ELOVL2: variants seen among roughly 807,000 people sequenced by gnomAD.
ELOVL2 encodes ELOVL fatty acid elongase 2, also known as very long chain fatty acid elongase 2.
A neutral mutation model predicts 37.7 loss-of-function variants in ELOVL2; 38 were observed. The ratio of observed to expected loss-of-function variants is 1.01; its 90% confidence interval spans 0.78 to 1.32. The LOEUF (loss-of-function observed/expected upper bound fraction) is 1.32. Ranked by LOEUF, ELOVL2 falls within the 40% of genes most tolerant of loss-of-function variation. ELOVL2 has a pLI of 0.00. For synonymous variants in ELOVL2, 115 were observed against 122.3 expected, an observed-to-expected ratio of 0.94 and a Z score of 0.40; for missense variants, 352 against 363.6, an observed-to-expected ratio of 0.97 and a Z score of 0.26.
chr6:11,025,638 CCATT>C (rs1435450547), intron 1 of ELOVL2, among the ~76,000 whole-genome samples: 20 of 151,972 alleles, frequency 1.3e-4, no homozygotes, highest in Admixed American at 1.3e-3. Flanking sequence ...AAAAGCACAC[CCATT>C]CAAAGCCATA....
rs146459452 is a variant in ELOVL2, at chr6:11,001,331, C to A, written c.256-1167G>T. On this transcript the variant is annotated intron_variant, in intron 3 of 7. Transcript: ENST00000354666. ...AATAAGTCCAGTGAAAGAAGAAAAC[C>A]TTGGGTTTTCCTGAATGGGATCTAC... Among the ~76,000 whole-genome samples, 282 of 152,174 alleles carry A rather than the reference C, an allele frequency of 1.9e-3. 1 individual carries two copies. Among genetic ancestry groups the A allele is most frequent in the African/African-American group, 6.6e-3 (276 of 41,508 alleles).
rs1189217460 is a variant in ELOVL2 at position 11,044,168 on chromosome 6, G to A, written c.3+60C>T. On this transcript the variant is annotated intron_variant, in intron 1 of 7. Coordinates refer to ENST00000354666, the MANE Select transcript of ELOVL2 (RefSeq NM_017770.4). The surrounding 1 kb of genome is among the most constrained non-coding windows in gnomAD (Gnocchi z 5.6). ...CGCTCGGCCCTTTCCCGCCCGGTGC[G>A]TGGGTCCAGGAGAGAAAGAAAGCGC... 2.1e-6 allele frequency: 3 copies of A among 1,444,906 alleles called. No individual in the cohort carries two copies. The highest frequency in any genetic ancestry group is 1.5e-5 in the African/African-American group (1 of 67,666). The allele number at this position is 1,444,906 out of a possible 1,614,324, so 89.5% of individuals were successfully genotyped here.
intron 2 of ELOVL2, among the ~76,000 whole-genome samples, chr6:11,009,185 T>C (rs1227645506): frequency 6.6e-6 from 1 of 152,128 alleles, no homozygotes; most frequent in Non-Finnish European, 1.5e-5. Flanking sequence ...CAATGAAGTA[T>C]CTGAAGGAAG....
At chr6:10,998,382 TC>T (rs1454291518) in intron 4 of ELOVL2, among the ~76,000 whole-genome samples, 1 of 152,220 alleles carries the variant, frequency 6.6e-6, no homozygotes, top group Non-Finnish European at 1.5e-5. Context: ...CTTTCCCTTT[TC>T]ATCGATTTGG....
At chr6:11,043,820 G>C (rs1783155554) in intron 1 of ELOVL2, 1 of 170,330 alleles carries the variant, frequency 5.9e-6, no homozygotes, top group South Asian at 2.0e-4. Flanking sequence ...GCGGTGGCGA[G>C]AGCAGGTTCG....
Position 10,995,037 on chromosome 6 carries a change from A to G in ELOVL2, c.475T>C (p.Cys159Arg). Reference sequence around the variant, plus strand: ...CCACAAGGTATCCAGTTCAAGACACACCACCAGATGTTAAACATAGAAGCA... The same window carrying G: ...CCACAAGGTATCCAGTTCAAGACACGCCACCAGATGTTAAACATAGAAGCA... ...HHASMFNIWWCVLNWIPCGQS... is the reference protein window; with the variant it reads ...HHASMFNIWWRVLNWIPCGQS... Residue 159 changes from cysteine to arginine, a missense_variant, in exon 5 of 8, where the codon TGT (cysteine) becomes CGT (arginine). Transcript: ENST00000354666. 6.2e-7 allele frequency: 1 copy of G among 1,611,394 alleles called. No homozygotes were observed. Among genetic ancestry groups the G allele is most frequent in the Non-Finnish European group, 8.5e-7 (1 of 1,179,098 alleles).
chr6:11,028,500 C>G (rs1167481270), intron 1 of ELOVL2, among the ~76,000 whole-genome samples: 1 of 151,976 alleles, frequency 6.6e-6, no homozygotes, highest in Non-Finnish European at 1.5e-5. Context: ...TGGTTATAGG[C>G]TTTTTTACCT....
intron 1 of ELOVL2, among the ~76,000 whole-genome samples, chr6:11,020,183 TAA>T (rs113673873): frequency 6.6e-6 from 1 of 151,326 alleles, no homozygotes; most frequent in African/African-American, 2.4e-5. Flanking sequence ...CCTTAAGTCT[TAA>T]AAAAAAAATC....
chr6:11,012,167 G>A (rs1425014772), intron 1 of ELOVL2, among the ~76,000 whole-genome samples: 1 of 152,016 alleles, frequency 6.6e-6, no homozygotes, highest in Non-Finnish European at 1.5e-5. Flanking sequence ...GAAAGCTTGG[G>A]AAAGAGGATG....
rs1783165763 is a variant in ELOVL2 at position 11,044,096 on chromosome 6, A to T, written c.3+132T>A. On this transcript the variant is annotated intron_variant, in intron 1 of 7. Transcript: ENST00000354666. The surrounding 1 kb of genome is among the most constrained non-coding windows in gnomAD (Gnocchi z 5.6). ...GGCCCGCGCGGACCCGGCCCCTCCG[A>T]GGGTAGCGGGTTCCAGCGGCGAACC... 8.5e-7 allele frequency: 1 copy of T among 1,170,982 alleles called. No homozygotes were observed. The highest frequency in any genetic ancestry group is 4.4e-5 in the Admixed American group (1 of 22,892). The allele number at this position is 1,170,982 out of a possible 1,614,324, so 72.5% of individuals were successfully genotyped here.
intron 3 of ELOVL2, among the ~76,000 whole-genome samples, chr6:11,002,197 C>T (rs1343582560): frequency 6.6e-6 from 1 of 152,166 alleles, no homozygotes; most frequent in Admixed American, 6.5e-5. Context: ...ATCCTCTGTC[C>T]ACTGTGTCAT....
chr6:10,986,063 C>T (rs1247987853), intron 7 of ELOVL2, among the ~76,000 whole-genome samples: 1 of 152,178 alleles, frequency 6.6e-6, no homozygotes, highest in African/African-American at 2.4e-5. Context: ...AGGTCCTTCA[C>T]ATCCCTTGTA....
At chr6:11,016,502 A>G (rs1049636968) in intron 1 of ELOVL2, among the ~76,000 whole-genome samples, 3 of 152,206 alleles carry the variant, frequency 2.0e-5, no homozygotes, top group Non-Finnish European at 4.4e-5. Context: ...AGAAGTCAGG[A>G]AATGGGATCT....
At chr6:11,042,097 G>C (rs1216039368) in intron 1 of ELOVL2, among the ~76,000 whole-genome samples, 1 of 151,966 alleles carries the variant, frequency 6.6e-6, no homozygotes, top group Admixed American at 6.6e-5. Flanking sequence ...TTGATCACTT[G>C]AGGTCAGGAG....
intron 1 of ELOVL2, among the ~76,000 whole-genome samples, chr6:11,041,075 C>T (rs1783092086): frequency 6.6e-6 from 1 of 152,208 alleles, no homozygotes; most frequent in African/African-American, 2.4e-5. Context: ...GAATCTGTAA[C>T]TGTAGAATTA....
chr6:11,012,752 T>C (rs1193269187), intron 1 of ELOVL2, among the ~76,000 whole-genome samples: 1 of 152,234 alleles, frequency 6.6e-6, no homozygotes, highest in Non-Finnish European at 1.5e-5. Context: ...CATTCCTTTA[T>C]TCATTAATTT....
At chr6:11,013,357 T>G (rs767293185) in intron 1 of ELOVL2, among the ~76,000 whole-genome samples, 2 of 152,194 alleles carry the variant, frequency 1.3e-5, no homozygotes, top group Non-Finnish European at 2.9e-5. Context: ...AGGTCTGCAG[T>G]GTTAGTGAAC....
intron 7 of ELOVL2, among the ~76,000 whole-genome samples, chr6:10,984,704 G>T (rs1782013505): frequency 1.1e-4 from 16 of 149,450 alleles, no homozygotes; most frequent in South Asian, 4.3e-4. Flanking sequence ...CATTTTTTAT[G>T]GCTGCATAGT....
intron 1 of ELOVL2, among the ~76,000 whole-genome samples, chr6:11,029,536 G>A (rs1265323354): frequency 6.6e-6 from 1 of 152,174 alleles, no homozygotes; most frequent in East Asian, 1.9e-4. Context: ...CAATGCAGGG[G>A]CATACTGTCG....
Sources: gnomAD v4.1 joint callset for allele counts (sites outside exome capture counted in the v4.1 genomes callset) on GRCh38, gnomAD v4.1.1 for gene constraint, Gnocchi (gnomAD v3.1) non-coding constraint, MANE v1.5 for transcripts, NCBI Gene and HGNC (gene_info 2026-07-23, HGNC 2026-07-21) for gene names.